CHRM2: variants seen among roughly 807,000 people sequenced by gnomAD.
CHRM2 encodes cholinergic receptor muscarinic 2.
In CHRM2, 8 loss-of-function variants were observed where a neutral mutation model predicts 25.0. The observed-to-expected ratio is 0.32, with a 90% confidence interval of 0.19 to 0.58. The LOEUF (loss-of-function observed/expected upper bound fraction) is 0.58. Among genes scored for constraint, CHRM2 ranks in the 20% least tolerant of loss-of-function variants. The probability of loss-of-function intolerance (pLI) is 0.88; values close to 1 mark genes in which losing one functional copy is unlikely to be tolerated. For missense variants in CHRM2, 440 were observed against 567.1 expected (o/e 0.78, Z 2.28); for synonymous variants, 202 against 205.7 (o/e 0.98, Z 0.15).
At chr7:137,010,933 T>C (rs796306358) in intron 3 of CHRM2, among the ~76,000 whole-genome samples, 1 of 151,968 alleles carries the variant, frequency 6.6e-6, no homozygotes, top group Non-Finnish European at 1.5e-5. Flanking sequence ...TGTGTATAAC[T>C]GCAAGGTAAG....
In CHRM2 at chr7:137,015,742, G is replaced by C. The variant is rs1805134901; in HGVS notation, c.877G>C (p.Ala293Pro). 6.2e-7 allele frequency: 1 copy of C among 1,613,078 alleles called. No individual in the cohort carries two copies. Among genetic ancestry groups the C allele is most frequent in the Admixed American group, 1.7e-5 (1 of 59,902 alleles). The part of the protein sequence containing the change: ...SNDSTSVSAV[A>P]SNMRDDEITQ... ...TGACTCCACCTCAGTCAGTGCTGTT[G>C]CCTCTAATATGAGAGATGATGAAAT... The change falls in exon 4 of 4, where the codon GCC becomes CCC. Residue 293 changes from alanine (A) to proline (P), a missense_variant. This residue lies in a region of CHRM2 where 261 missense variants were observed against 261.8 expected (regional missense o/e 1.00). Coordinates refer to ENST00000680005, the MANE Select transcript of CHRM2 (RefSeq NM_001006630.2). The surrounding 1 kb of genome is among the most constrained non-coding windows in gnomAD (Gnocchi z 5.1).
intron 2 of CHRM2, among the ~76,000 whole-genome samples, chr7:136,917,078 A>G (rs182956225): frequency 6.6e-6 from 1 of 151,962 alleles, no homozygotes; most frequent in East Asian, 1.9e-4. Context: ...CTTTTTGCAA[A>G]TAAGCGTGTT....
chr7:136,981,545 G>T (rs554021326), intron 2 of CHRM2, among the ~76,000 whole-genome samples: 2 of 152,138 alleles, frequency 1.3e-5, no homozygotes, highest in South Asian at 4.2e-4. Context: ...TGATGTTAGG[G>T]TATCAATTTT....
chr7:136,988,431 T>C (rs1017598270), intron 2 of CHRM2, among the ~76,000 whole-genome samples: 3 of 152,216 alleles, frequency 2.0e-5, no homozygotes, highest in African/African-American at 7.2e-5. Context: ...GCTCATTATC[T>C]GCTGGCCTAT....
chr7:136,976,092 G>A (rs1255293785), intron 2 of CHRM2, among the ~76,000 whole-genome samples: 1 of 152,138 alleles, frequency 6.6e-6, no homozygotes, highest in Admixed American at 6.5e-5. Context: ...TTAGAAAGAA[G>A]AAATGGTATA....
chr7:136,937,495 T>TAATA (rs34406507), intron 2 of CHRM2, among the ~76,000 whole-genome samples: 79,197 of 151,490 alleles, frequency 0.52, 22,390 homozygotes, highest in African/African-American at 0.69. Flanking sequence ...CTTTTTTATT[T>TAATA]AACTAAAAAT....
chr7:136,928,032 T>G (rs958575998), intron 2 of CHRM2, among the ~76,000 whole-genome samples: 2 of 152,206 alleles, frequency 1.3e-5, no homozygotes, highest in African/African-American at 2.4e-5. Flanking sequence ...GAAACAGAAC[T>G]GTTTCTTGCT....
At chr7:137,004,342 T>C (rs1256363334) in intron 3 of CHRM2, among the ~76,000 whole-genome samples, 1 of 152,162 alleles carries the variant, frequency 6.6e-6, no homozygotes, top group Non-Finnish European at 1.5e-5. Flanking sequence ...ATGCCACTTT[T>C]TTATCCTAGC....
intron 2 of CHRM2, among the ~76,000 whole-genome samples, chr7:136,929,076 G>A (rs1028047316): frequency 6.6e-6 from 1 of 152,060 alleles, no homozygotes; most frequent in Non-Finnish European, 1.5e-5. Flanking sequence ...ATGCGATCAC[G>A]TGAAGGATTT....
intron 3 of CHRM2, among the ~76,000 whole-genome samples, chr7:137,005,124 A>G (rs1804335126): frequency 1.3e-5 from 2 of 152,110 alleles, no homozygotes; most frequent in Non-Finnish European, 2.9e-5. Context: ...TGTACCCTAT[A>G]CCTACATTCT....
chr7:136,928,442 G>C (rs768049901), intron 2 of CHRM2, among the ~76,000 whole-genome samples: 1 of 152,122 alleles, frequency 6.6e-6, no homozygotes, highest in Non-Finnish European at 1.5e-5. Context: ...AAGAGTGGAG[G>C]TTTGCACATT....
chr7:136,941,762 T>C (rs1476724555), intron 2 of CHRM2, among the ~76,000 whole-genome samples: 1 of 152,198 alleles, frequency 6.6e-6, no homozygotes, highest in African/African-American at 2.4e-5. Flanking sequence ...CATTGTTAAC[T>C]TTGAGACTGT....
In CHRM2 at chr7:137,015,626, G is replaced by C. The variant is rs368473785; in HGVS notation, c.761G>C (p.Gly254Ala). Residue 254 changes from glycine to alanine, a missense_variant, in exon 4 of 4, where the codon GGC becomes GCC. Gly to Ala is a moderately conservative substitution (Grantham distance 60). Transcript: ENST00000680005. This position sits in a 1 kb window ranked among gnomAD's most constrained non-coding sequence, Gnocchi z 5.1. Reference protein sequence around the residue: ...NNNNMPSSDDGLEHNKIQNGK... With the variant: ...NNNNMPSSDDALEHNKIQNGK... The stretch of plus-strand genomic sequence containing the variant: ...AACAACATGCCCAGCAGTGACGATG[G>C]CCTGGAGCACAACAAAATCCAGAAT... The C allele has an allele frequency of 2.5e-6, 4 of 1,612,944 alleles. 1 individual carries two copies. The African/African-American group carries it at 5.3e-5, about 22-fold the overall frequency.
rs1452730775 is a variant in CHRM2 at position 136,889,005 on chromosome 7, G to C, written c.-125+19587G>C. Among the ~76,000 whole-genome samples, 18 of 125,468 alleles carry C rather than the reference G, an allele frequency of 1.4e-4. No individual in the cohort carries two copies. In the Admixed American group the frequency reaches 1.6e-3, roughly 11 times the overall value. The allele number at this position is 125,468 out of a possible 152,430, so 82.3% of individuals were successfully genotyped here. A position where few individuals can be genotyped will look rare whatever the true frequency, so the allele number is the denominator to read the frequency against. ...GGAGCTTGCAGTGAGCCGAGATCGC[G>C]CCACTGCACTCCAGCCTGGGCGACA... On this transcript the variant is annotated intron_variant, in intron 2 of 3. Coordinates refer to ENST00000680005, the MANE Select transcript of CHRM2 (RefSeq NM_001006630.2).
At chr7:136,947,299 G>A (rs1800128460) in intron 2 of CHRM2, among the ~76,000 whole-genome samples, 2 of 152,024 alleles carry the variant, frequency 1.3e-5, no homozygotes, top group South Asian at 4.2e-4. Context: ...AAAAAAATAT[G>A]TATGCTTTTT....
intron 2 of CHRM2, among the ~76,000 whole-genome samples, chr7:136,959,430 C>T (rs980904438): frequency 2.6e-5 from 4 of 152,084 alleles, no homozygotes; most frequent in South Asian, 4.1e-4. Flanking sequence ...ATTGTAGATC[C>T]ATTAGGCCCA....
intron 2 of CHRM2, among the ~76,000 whole-genome samples, chr7:136,948,037 C>A (rs1800172013): frequency 6.6e-6 from 1 of 152,108 alleles, no homozygotes; most frequent in South Asian, 2.1e-4. Flanking sequence ...TGGTTCCAGT[C>A]CTCATGGCTG....
Position 136,883,339 on chromosome 7 carries a change from A to G in CHRM2, c.-125+13921A>G, listed in dbSNP as rs1465936629. Among the ~76,000 whole-genome samples, 6 of 152,140 alleles carry G rather than the reference A, an allele frequency of 3.9e-5. No homozygotes were observed. In the East Asian group the frequency reaches 9.6e-4, roughly 24 times the overall value. The stretch of plus-strand genomic sequence containing the variant: ...GTGGATAAGTATATTCAGTTTGGAG[A>G]CAGTTGTGTCATTGTTAGTTTACCC... On this transcript the variant is annotated intron_variant, in intron 2 of 3. Coordinates refer to ENST00000680005, the MANE Select transcript of CHRM2 (RefSeq NM_001006630.2).
At chr7:136,968,371 A>AC (rs1801545966) in intron 2 of CHRM2, among the ~76,000 whole-genome samples, 3 of 151,744 alleles carry the variant, frequency 2.0e-5, no homozygotes, top group Middle Eastern at 6.8e-3. Flanking sequence ...AAAATAAAAA[A>AC]GATAACAACT....
Sources: gnomAD v4.1 joint callset for allele counts (sites outside exome capture counted in the v4.1 genomes callset) on GRCh38, gnomAD v4.1.1 for gene constraint, gnomAD v4.1.1 regional missense constraint, Gnocchi (gnomAD v3.1) non-coding constraint, MANE v1.5 for transcripts, NCBI Gene and HGNC (gene_info 2026-07-23, HGNC 2026-07-21) for gene names.